Variants in CSMD1 observed in about 807,000 individuals in gnomAD.
The protein encoded by CSMD1 is CUB and Sushi multiple domains 1.
A neutral mutation model predicts 417.5 loss-of-function variants in CSMD1; 213 were observed. The ratio of observed to expected loss-of-function variants is 0.51; its 90% CI spans 0.46 to 0.57. The LOEUF is 0.57. Ranked by LOEUF, CSMD1 falls within the 20% of genes least tolerant of loss-of-function variation. The probability of loss-of-function intolerance (pLI) is 0.00; values close to 1 mark genes in which losing one functional copy is unlikely to be tolerated. For missense variants in CSMD1, 6,923 were observed against 4,529.7 expected (o/e 1.53, Z -15.17); for synonymous variants, 2,862 against 1,736.8 (o/e 1.65, Z -16.11).
At chr8:4,104,868 G>T (rs1023680051) in intron 3 of CSMD1, among the ~76,000 whole-genome samples, 1 of 151,982 alleles carries the variant, frequency 6.6e-6, no homozygotes, top group Admixed American at 6.6e-5. Context: ...ACATTTTTAG[G>T]TATTACTTTT....
Position 3,219,295 on chromosome 8 carries a change from A to G in CSMD1, c.4632T>C (p.Asp1544=). 1 of 1,594,386 alleles carries G rather than the reference A, an allele frequency of 6.3e-7. No individual in the cohort carries two copies. Among genetic ancestry groups the G allele is most frequent in the Non-Finnish European group, 8.6e-7 (1 of 1,169,548 alleles). The change falls in exon 29 of 70, where the codon GAT becomes GAC. Residue 1544 remains aspartate (D), a synonymous_variant. Coordinates refer to ENST00000635120, the MANE Select transcript of CSMD1 (RefSeq NM_033225.6). The stretch of plus-strand genomic sequence containing the variant: ...CGAACCCTGAAAGGCCCACGGAGGC[A>G]TCACTCCGAAATGCCAGAAACAGGC... ...GNSLFLAFRS[D]ASVGLSGFAI... is the part of the protein sequence containing the mutation.
intron 1 of CSMD1, among the ~76,000 whole-genome samples, chr8:4,815,502 C>A (rs1030978753): frequency 5.3e-5 from 8 of 151,772 alleles, no homozygotes; most frequent in African/African-American, 1.9e-4. Context: ...TCGAGACCAG[C>A]CTGACCAACA....
intron 3 of CSMD1, among the ~76,000 whole-genome samples, chr8:4,165,921 C>T (rs902026784): frequency 2.0e-4 from 30 of 152,266 alleles, no homozygotes; most frequent in Admixed American, 1.1e-3. Flanking sequence ...TATATATATA[C>T]TGGATAAACT....
chr8:3,998,798 G>C (rs570081088), intron 4 of CSMD1, among the ~76,000 whole-genome samples: 9 of 151,358 alleles, frequency 5.9e-5, no homozygotes, highest in Non-Finnish European at 1.2e-4. Context: ...GTTTGCTATA[G>C]AGTAAAAAAG....
At chr8:4,952,309 C>T (rs576079764) in intron 1 of CSMD1, among the ~76,000 whole-genome samples, 125 of 150,448 alleles carry the variant, frequency 8.3e-4, no homozygotes, top group African/African-American at 3.0e-3. Flanking sequence ...AGTTAATTAG[C>T]CAACGCTTTT....
At chr8:4,070,877 CTTTG>C (rs1799519544) in intron 3 of CSMD1, among the ~76,000 whole-genome samples, 1 of 152,096 alleles carries the variant, frequency 6.6e-6, no homozygotes, top group African/African-American at 2.4e-5. Context: ...TTCCTTTTTG[CTTTG>C]TTTACTTTCT....
intron 26 of CSMD1, 80 bp downstream of exon 26, chr8:3,284,064 T>A (rs4875508): frequency 0.84 from 966,791 of 1,154,754 alleles, 406,680 homozygotes; most frequent in Admixed American, 0.89. Context: ...GAGACGCTGG[T>A]GAATATAAAT....
At chr8:3,774,367 T>C (rs2170414) in intron 5 of CSMD1, among the ~76,000 whole-genome samples, 24,593 of 152,054 alleles carry the variant, frequency 0.16, 2,484 homozygotes, top group South Asian at 0.24. Context: ...TTTGGATGTC[T>C]GTCATCTCCC....
chr8:4,845,580 C>G (rs1421948004), intron 1 of CSMD1, among the ~76,000 whole-genome samples: 2 of 152,184 alleles, frequency 1.3e-5, no homozygotes, highest in East Asian at 3.8e-4. Flanking sequence ...CTATAGTCAA[C>G]CAATATTTAT....
chr8:4,634,052 A>C (rs1387768861), intron 2 of CSMD1, among the ~76,000 whole-genome samples: 2 of 151,768 alleles, frequency 1.3e-5, no homozygotes, highest in African/African-American at 4.8e-5. Flanking sequence ...CAAAGATCAG[A>C]TTTTTCATTT....
intron 7 of CSMD1, among the ~76,000 whole-genome samples, chr8:3,692,469 T>C (rs552538118): frequency 1.1e-4 from 16 of 149,814 alleles, no homozygotes; most frequent in Non-Finnish European, 2.2e-4. Context: ...TGAGACGGAG[T>C]CTCCCTCTGT....
At chr8:3,585,939 T>A (rs1800580101) in intron 9 of CSMD1, among the ~76,000 whole-genome samples, 197 bp downstream of exon 9, 1 of 152,272 alleles carries the variant, frequency 6.6e-6, no homozygotes, top group Non-Finnish European at 1.5e-5. Context: ...AACACAAAAA[T>A]ATTCTTGGAA....
intron 10 of CSMD1, among the ~76,000 whole-genome samples, chr8:3,527,718 TG>T (rs1288561791): frequency 6.6e-6 from 1 of 151,902 alleles, no homozygotes; most frequent in Non-Finnish European, 1.5e-5. Flanking sequence ...TTACCACTGG[TG>T]GGAGGGGTGG....
intron 21 of CSMD1, among the ~76,000 whole-genome samples, chr8:3,350,033 TATA>T (rs201410033): frequency 0.013 from 1,829 of 145,036 alleles, 44 homozygotes; most frequent in African/African-American, 0.044. Flanking sequence ...ATGTGTGTGT[TATA>T]ATACCTATAA....
intron 2 of CSMD1, among the ~76,000 whole-genome samples, chr8:4,489,032 T>C (rs1439296873): frequency 6.6e-6 from 1 of 152,202 alleles, no homozygotes; most frequent in Non-Finnish European, 1.5e-5. Context: ...TGTCTCAGCC[T>C]CCTGAGTAGC....
At chr8:4,344,203 C>T (rs1800646462) in intron 3 of CSMD1, among the ~76,000 whole-genome samples, 1 of 152,118 alleles carries the variant, frequency 6.6e-6, no homozygotes, top group African/African-American at 2.4e-5. Flanking sequence ...TAACCGTCTC[C>T]ATGGAGACTT....
chr8:4,028,562 C>T (rs992257144), intron 4 of CSMD1, among the ~76,000 whole-genome samples: 2 of 151,994 alleles, frequency 1.3e-5, no homozygotes, highest in African/African-American at 4.8e-5. Flanking sequence ...TAAAAGCATA[C>T]TGAAGGAAAT....
At position 3,938,055 on chromosome 8, in the gene CSMD1, A is replaced by C. The variant is rs139253587; in HGVS notation, c.818+59848T>G. On this transcript the variant is annotated intron_variant, in intron 5 of 69. Transcript: ENST00000635120. ...AAAAATGCTTTCCTAATTGACTTCC[A>C]ACAATATTCTGGGGATTACACAGGA... 5.8e-4 allele frequency among the ~76,000 whole-genome samples: 89 copies of C among 152,302 alleles called. 1 individual carries two copies. In the East Asian group the frequency reaches 0.014, roughly 24 times the overall value.
intron 5 of CSMD1, among the ~76,000 whole-genome samples, chr8:3,995,873 C>G (rs538187787): frequency 9.2e-5 from 14 of 152,256 alleles, no homozygotes; most frequent in African/African-American, 3.4e-4. Flanking sequence ...GATCATAGTT[C>G]CCACTGATAA....
Sources: gnomAD v4.1 joint callset for allele counts (sites outside exome capture counted in the v4.1 genomes callset) on GRCh38, gnomAD v4.1.1 for gene constraint, MANE v1.5 for transcripts, NCBI Gene and HGNC (gene_info 2026-07-23, HGNC 2026-07-21) for gene names.